Variants in CBARP observed in about 807,000 individuals in gnomAD.
The protein encoded by CBARP is CACN subunit beta associated regulatory protein, also known as voltage-dependent calcium channel beta subunit-associated regulatory protein.
CBARP carries 24 observed loss-of-function variants against 36.3 expected under a neutral mutation model. That is an observed-to-expected ratio of 0.66 (90% CI 0.48 to 0.93). The LOEUF is 0.93. CBARP is among the 40% of genes least tolerant of loss of function. CBARP has a pLI of 0.00. For missense variants in CBARP, 1,146 were observed against 980.4 expected, an observed-to-expected ratio of 1.17 and a Z score of -2.26; for synonymous variants, 586 against 453.2, an observed-to-expected ratio of 1.29 and a Z score of -3.72.
Position 1,229,343 on chromosome 19 carries a change from A to AC in CBARP, c.1953dup (p.Cys652ValfsTer153). On this transcript the variant is annotated frameshift_variant, in exon 10 of 10. Transcript: ENST00000650044. LOFTEE classifies it low-confidence loss of function (END_TRUNC). The surrounding 1 kb of genome is among the most constrained non-coding windows in gnomAD (Gnocchi z 5.1). ...AGGACGCACAGGCCCGAGCCGGGGC[A>AC]CCCCCCGCCGCCCGGCTCCTCCTCG... The AC allele has an allele frequency of 4.1e-6, 5 of 1,206,408 alleles. No individual in the cohort carries two copies. Among genetic ancestry groups the AC allele is most frequent in the Admixed American group, 3.0e-5 (1 of 32,964 alleles). 74.7% of individuals were successfully genotyped at this position (1,206,408 alleles called of 1,614,324 possible). A position where few individuals can be genotyped will look rare whatever the true frequency, so the allele number is the denominator to read the frequency against.
At position 1,229,878 on chromosome 19, in the gene CBARP, G is replaced by A; in HGVS notation, c.1419C>T (p.Ser473=). 2 of 1,014,686 alleles carry A rather than the reference G, an allele frequency of 2.0e-6. No homozygotes were observed. The highest frequency in any genetic ancestry group is 2.4e-6 in the Non-Finnish European group (2 of 844,708). The allele number at this position is 1,014,686 out of a possible 1,614,324, so 62.9% of individuals were successfully genotyped here. Residue 473 remains serine (S), a synonymous_variant, in exon 10 of 10, where the codon TCC becomes TCT. Transcript: ENST00000650044. This position sits in a 1 kb window ranked among gnomAD's most constrained non-coding sequence, Gnocchi z 5.1. ...VRSGDSSGSG[S]GGAAPAFPPP... is the part of the protein sequence containing the mutation. The stretch of plus-strand genomic sequence containing the variant: ...GCGGGAAGGCGGGCGCCGCGCCCCC[G>A]GAGCCTGAGCCCGAGCTGTCGCCGC...
intron 1 of CBARP, among the ~76,000 whole-genome samples, chr19:1,237,519 C>A (rs1555744399): frequency 6.6e-6 from 1 of 152,058 alleles, no homozygotes; most frequent in Non-Finnish European, 1.5e-5. Context: ...GACGCCAGGG[C>A]TGAGCCGAGA....
chr19:1,228,785 T>A lies in CBARP; in HGVS notation c.*394A>T, dbSNP rs2080850607. On this transcript the variant is annotated 3_prime_UTR_variant, in exon 10 of 10. Coordinates refer to ENST00000650044, the MANE Select transcript of CBARP (RefSeq NM_001393918.1). ...GGCGGCTCCATCGGGCCCAGTGGGC[T>A]GCGCGACCCTCGGGTGGCGGGCCCT... The A allele has an allele frequency of 6.8e-6, 1 of 146,952 alleles. No homozygotes were observed. The highest frequency in any genetic ancestry group is 2.1e-4 in the South Asian group (1 of 4,828). The allele number at this position is 146,952 out of a possible 1,614,324, so 9.1% of individuals were successfully genotyped here.
intron 8 of CBARP, among the ~76,000 whole-genome samples, chr19:1,231,981 G>A (rs910094689): frequency 3.9e-5 from 6 of 152,250 alleles, no homozygotes; most frequent in Admixed American, 1.3e-4. Flanking sequence ...CTGAAACTAC[G>A]GAAGGCATGA....
chr19:1,234,803 G>A (rs527497381), intron 5 of CBARP, 61 bp from the exon 6 acceptor site: 19 of 1,566,174 alleles, frequency 1.2e-5, no homozygotes, highest in Admixed American at 3.7e-5. Flanking sequence ...CCCAGCTGCC[G>A]TGCTCTGCCA....
At chr19:1,234,124 T>A (rs1568739605) in intron 7 of CBARP, 67 bp downstream of exon 7, 3 of 1,421,420 alleles carry the variant, frequency 2.1e-6, no homozygotes, top group Non-Finnish European at 2.8e-6. Flanking sequence ...GGTCCTGGAC[T>A]GGGGACAGGG....
In CBARP at chr19:1,236,240, G is replaced by A. The variant is rs1405919528; in HGVS notation, c.-21-119C>T. ...CCCACACAGGGGGCAGTGACTCATG[G>A]AGAGGTAGCAGAGCCGGAGGCAGCC... On this transcript the variant is annotated intron_variant, in intron 1 of 9. Coordinates refer to ENST00000650044, the MANE Select transcript of CBARP (RefSeq NM_001393918.1). 2.3e-6 allele frequency: 3 copies of A among 1,306,428 alleles called. No homozygotes were observed. In the South Asian group the frequency reaches 6.6e-5, roughly 29 times the overall value. The allele number at this position is 1,306,428 out of a possible 1,614,324, so 80.9% of individuals were successfully genotyped here.
Position 1,230,099 on chromosome 19 carries a change from G to C in CBARP, c.1198C>G (p.Pro400Ala), listed in dbSNP as rs1287080509. 1 of 1,080,262 alleles carries C rather than the reference G, an allele frequency of 9.3e-7. No individual in the cohort carries two copies. Among genetic ancestry groups the C allele is most frequent in the South Asian group, 2.1e-5 (1 of 46,780 alleles). The allele number at this position is 1,080,262 out of a possible 1,614,324, so 66.9% of individuals were successfully genotyped here. Residue 400 changes from proline (P) to alanine (A), a missense_variant, in exon 10 of 10, where the codon CCC (proline) becomes GCC (alanine). Transcript: ENST00000650044. ...EAAGGASPDS[P>A]PERGAGSAGP... Reference sequence around the variant, plus strand: ...GCGCTGCCCGCGCCGCGCTCCGGGGGGGAATCGGGGCTCGCTCCTCCCGCT... The same window carrying C: ...GCGCTGCCCGCGCCGCGCTCCGGGGCGGAATCGGGGCTCGCTCCTCCCGCT...
Position 1,229,250 on chromosome 19 carries a change from C to A in CBARP, c.2047G>T (p.Ala683Ser). ...LDERLFPPRL[A>S]EPVVATPALV... ...GCGGGAGTCGCCACGACGGGCTCGG[C>A]GAGGCGCGGCGGAAAGAGTCTCTCG... The change falls in exon 10 of 10, where the codon GCC (alanine) becomes TCC (serine). Residue 683 changes from alanine to serine, a missense_variant. By Grantham distance (99) the Ala-to-Ser change is moderately conservative. Transcript: ENST00000650044. This position sits in a 1 kb window ranked among gnomAD's most constrained non-coding sequence, Gnocchi z 5.1. The A allele has an allele frequency of 8.1e-7, 1 of 1,240,700 alleles. No individual in the cohort carries two copies. The highest frequency in any genetic ancestry group is 8.2e-5 in the East Asian group (1 of 12,152). 76.9% of individuals were successfully genotyped at this position (1,240,700 alleles called of 1,614,324 possible).
In CBARP at chr19:1,231,237, C is replaced by G. The variant is rs1420466685; in HGVS notation, c.1018G>C (p.Ala340Pro). The part of the protein sequence containing the change: ...KRHHFQRQRA[A>P]SESTEQEEGD... ...TCCTCCTGCTCCGTGCTCTCACTGG[C>G]TGCCCGCTGCCGCTGGAAGTGGTGC... The change falls in exon 9 of 10, where the codon GCC becomes CCC. Residue 340 changes from alanine (A) to proline (P), a missense_variant. By Grantham distance (27) the Ala-to-Pro change is conservative. Transcript: ENST00000650044. The G allele has an allele frequency of 1.9e-6, 3 of 1,602,182 alleles. No homozygotes were observed. In the East Asian group the frequency reaches 6.7e-5, roughly 36 times the overall value.
chr19:1,233,905 C>T (rs1003616500), intron 7 of CBARP, among the ~76,000 whole-genome samples: 5 of 152,194 alleles, frequency 3.3e-5, no homozygotes, highest in South Asian at 2.1e-4. Flanking sequence ...CTCTCGCCCA[C>T]GGCGTGGGCT....
chr19:1,229,120 G>T lies in CBARP; in HGVS notation c.*59C>A. On this transcript the variant is annotated 3_prime_UTR_variant, in exon 10 of 10. Transcript: ENST00000650044. The surrounding 1 kb of genome is among the most constrained non-coding windows in gnomAD (Gnocchi z 5.1). ...GTCGCGCCCCCACGTCTCTCCCGCC[G>T]CCGAGGCCCCGTGCGGCGCCGGAGA... 1 of 725,136 alleles carries T rather than the reference G, an allele frequency of 1.4e-6. No homozygotes were observed. Among genetic ancestry groups the T allele is most frequent in the Non-Finnish European group, 1.7e-6 (1 of 583,292 alleles). The allele number at this position is 725,136 out of a possible 1,614,324, so 44.9% of individuals were successfully genotyped here.
chr19:1,234,105 G>T, intron 7 of CBARP, 86 bp downstream of exon 7: 1 of 1,380,556 alleles, frequency 7.2e-7, no homozygotes, highest in Non-Finnish European at 9.4e-7. Context: ...CAGGTCATAG[G>T]TTGACCTTGG....
At chr19:1,234,913 T>C in intron 5 of CBARP, 88 bp downstream of exon 5, 2 of 1,519,854 alleles carry the variant, frequency 1.3e-6, no homozygotes, top group Non-Finnish European at 1.8e-6. Context: ...CCTTGGTCCC[T>C]GCAGCCTCCG....
At chr19:1,235,470 G>A (rs1173605386) in intron 4 of CBARP, 31 bp downstream of exon 4, 7 of 1,553,802 alleles carry the variant, frequency 4.5e-6, no homozygotes, top group African/African-American at 2.8e-5. Flanking sequence ...ATGGACAGGC[G>A]AGCGCACAGC....
chr19:1,234,974 G>A (rs1336129360), intron 5 of CBARP, 27 bp downstream of exon 5: 1 of 1,589,036 alleles, frequency 6.3e-7, no homozygotes, highest in South Asian at 1.1e-5. Context: ...CAGGCCCTGG[G>A]GTGCCTCCCA....
chr19:1,234,730 C>G lies in CBARP; in HGVS notation c.468G>C (p.Thr156=). The G allele has an allele frequency of 6.2e-7, 1 of 1,612,784 alleles. No individual in the cohort carries two copies. Residue 156 remains threonine (T), a synonymous_variant, in exon 6 of 10, where the codon ACG becomes ACC. Transcript: ENST00000650044. ...TCTTCAGGTGGTGGAAGTCCCCCTC[C>G]GTCAGTGTGTACCTGCGACAGCATC... is the stretch of plus-strand genomic sequence containing the variant. ...TQDKGRRYTL[T]EGDFHHLKNA...
At position 1,230,019 on chromosome 19, in the gene CBARP, GCCCGCGTCCCGCTCGGCGTCCGGCT is replaced by G; in HGVS notation, c.1253_1277del (p.Glu418AlafsTer402). On this transcript the variant is annotated frameshift_variant, in exon 10 of 10. Coordinates refer to ENST00000650044, the MANE Select transcript of CBARP (RefSeq NM_001393918.1). LOFTEE classifies it low-confidence loss of function (END_TRUNC). Reference sequence around the variant, plus strand: ...GGTAGCTGGTCTGGGCCTGCTCGGGGCCCGCGTCCCGCTCGGCGTCCGGCTCCAGTGGCGGCTGCTGCTGCTCAGG... The same window carrying G: ...GGTAGCTGGTCTGGGCCTGCTCGGGGCCAGTGGCGGCTGCTGCTGCTCAGG... 1 of 1,231,636 alleles carries G rather than the reference GCCCGCGTCCCGCTCGGCGTCCGGCT, an allele frequency of 8.1e-7. No homozygotes were observed. The highest frequency in any genetic ancestry group is 1.0e-6 in the Non-Finnish European group (1 of 964,804). The allele number at this position is 1,231,636 out of a possible 1,614,324, so 76.3% of individuals were successfully genotyped here.
At chr19:1,231,315 C>T (rs775300531) in intron 8 of CBARP, 40 bp from the exon 9 acceptor site, 2 of 1,579,490 alleles carry the variant, frequency 1.3e-6, no homozygotes, top group African/African-American at 1.3e-5. Context: ...CCGGCATGTG[C>T]CTCCACCCGC....
Sources: allele counts gnomAD v4.1 joint callset (sites outside exome capture counted in the v4.1 genomes callset), GRCh38; gene constraint gnomAD v4.1.1; non-coding constraint Gnocchi (gnomAD v3.1); transcripts MANE v1.5; gene names NCBI Gene and HGNC (gene_info 2026-07-23, HGNC 2026-07-21).